Variants in CADPS2 observed in about 807,000 individuals in gnomAD.
CADPS2 encodes calcium-dependent secretion activator 2.
A neutral mutation model predicts 172.5 loss-of-function variants in CADPS2; 93 were observed. The observed-to-expected ratio is 0.54, with a 90% CI of 0.46 to 0.64. The LOEUF is 0.64. Ranked by LOEUF, CADPS2 falls within the 30% of genes least tolerant of loss-of-function variation. CADPS2 has a pLI of 0.00. For missense variants in CADPS2, 1,420 were observed against 1,565.9 expected (o/e 0.91, Z 1.57); for synonymous variants, 546 against 555.2 (o/e 0.98, Z 0.23).
intron 2 of CADPS2, among the ~76,000 whole-genome samples, chr7:122,677,131 G>A (rs1426369341): frequency 6.6e-6 from 1 of 152,204 alleles, no homozygotes; most frequent in Non-Finnish European, 1.5e-5. Flanking sequence ...GCAAGGGTTT[G>A]CTTCCTTCCT....
At chr7:122,326,669 CG>C (rs1454948835) in intron 28 of CADPS2, among the ~76,000 whole-genome samples, 2 of 150,648 alleles carry the variant, frequency 1.3e-5, no homozygotes, top group Non-Finnish European at 3.0e-5. Context: ...ATTTAAACAC[CG>C]AAAAAAAATT....
chr7:122,482,922 C>G (rs183311302), intron 11 of CADPS2, among the ~76,000 whole-genome samples: 37 of 152,302 alleles, frequency 2.4e-4, no homozygotes, highest in Non-Finnish European at 4.7e-4. Context: ...AAGAAGCAAT[C>G]TAAAGGATTC....
At chr7:122,573,334 G>C (rs1006037814) in intron 7 of CADPS2, among the ~76,000 whole-genome samples, 1 of 152,056 alleles carries the variant, frequency 6.6e-6, no homozygotes, top group Non-Finnish European at 1.5e-5. Flanking sequence ...TTGAGCCCAG[G>C]AGTTCAAGAC....
At chr7:122,342,656 CT>C (rs1471812424) in intron 28 of CADPS2, among the ~76,000 whole-genome samples, 1 of 152,072 alleles carries the variant, frequency 6.6e-6, no homozygotes, top group East Asian at 1.9e-4. Flanking sequence ...AGTTTAAGCC[CT>C]CATGTTGCAT....
At chr7:122,467,342 GTTGT>G (rs1381918883) in intron 14 of CADPS2, among the ~76,000 whole-genome samples, 6 of 152,088 alleles carry the variant, frequency 3.9e-5, no homozygotes, top group African/African-American at 1.4e-4. Context: ...AATTATCTAC[GTTGT>G]TTCTCAAAAA....
chr7:122,680,082 CT>C (rs751827627), intron 2 of CADPS2, among the ~76,000 whole-genome samples: 47 of 152,214 alleles, frequency 3.1e-4, no homozygotes, highest in Non-Finnish European at 5.6e-4. Flanking sequence ...CTGTCATAAT[CT>C]TTGCAAAGGC....
At chr7:122,415,288 A>ACG (rs1362163995) in intron 18 of CADPS2, among the ~76,000 whole-genome samples, 1 of 152,152 alleles carries the variant, frequency 6.6e-6, no homozygotes. Flanking sequence ...TTCCCCTTCC[A>ACG]CGTTAACTTA....
At chr7:122,500,974 G>A (rs1338857993) in intron 9 of CADPS2, among the ~76,000 whole-genome samples, 1 of 152,136 alleles carries the variant, frequency 6.6e-6, no homozygotes, top group Admixed American at 6.5e-5. Context: ...CTAAATCTAG[G>A]CCAGGCACAG....
intron 8 of CADPS2, among the ~76,000 whole-genome samples, chr7:122,537,992 C>T (rs542012496): frequency 6.6e-6 from 1 of 151,340 alleles, no homozygotes; most frequent in African/African-American, 2.4e-5. Context: ...AAATTTAAAC[C>T]GATCAACAAT....
At chr7:122,535,735 A>C (rs1308981187) in intron 8 of CADPS2, among the ~76,000 whole-genome samples, 1 of 152,054 alleles carries the variant, frequency 6.6e-6, no homozygotes, top group Non-Finnish European at 1.5e-5. Flanking sequence ...TTTAAAGCCT[A>C]ATGGCAAGAG....
intron 9 of CADPS2, among the ~76,000 whole-genome samples, chr7:122,494,265 A>G (rs1314647672): frequency 6.6e-6 from 1 of 152,180 alleles, no homozygotes; most frequent in Non-Finnish European, 1.5e-5. Flanking sequence ...AAGGCTGACT[A>G]TTTTTTATGC....
chr7:122,438,065 T>C (rs1251980291), intron 17 of CADPS2, among the ~76,000 whole-genome samples: 1 of 152,088 alleles, frequency 6.6e-6, no homozygotes, highest in Admixed American at 6.6e-5. Context: ...ATACAACCCA[T>C]GAAAACACCT....
chr7:122,448,489 C>T (rs147535319), intron 15 of CADPS2, among the ~76,000 whole-genome samples: 1 of 152,076 alleles, frequency 6.6e-6, no homozygotes, highest in African/African-American at 2.4e-5. Context: ...AGATGATGTG[C>T]GTATAAGAGA....
At chr7:122,432,643 T>TA (rs57311950) in intron 17 of CADPS2, among the ~76,000 whole-genome samples, 34,178 of 109,106 alleles carry the variant, frequency 0.31, 4,664 homozygotes, top group Middle Eastern at 0.41. Context: ...TCTGTTAAAA[T>TA]AAAAAAAAAA....
chr7:122,356,074 A>G (rs1381645306), intron 27 of CADPS2, among the ~76,000 whole-genome samples: 1 of 152,162 alleles, frequency 6.6e-6, no homozygotes, highest in Non-Finnish European at 1.5e-5. Flanking sequence ...TATTGACACA[A>G]TATTATTAAC....
intron 2 of CADPS2, among the ~76,000 whole-genome samples, chr7:122,688,560 C>A (rs1417532314): frequency 1.3e-5 from 2 of 152,182 alleles, no homozygotes; most frequent in East Asian, 3.9e-4. Flanking sequence ...AGAGTGTCCG[C>A]TCTGTCTCAG....
chr7:122,393,693 T>A (rs2044696374), intron 20 of CADPS2, 111 bp from the exon 21 acceptor site: 3 of 1,103,312 alleles, frequency 2.7e-6, no homozygotes, highest in East Asian at 2.5e-5. Context: ...GAAGAACTGA[T>A]AAAATGCAGA....
chr7:122,399,748 G>A (rs570642706), intron 20 of CADPS2, among the ~76,000 whole-genome samples: 22 of 127,406 alleles, frequency 1.7e-4, no homozygotes, highest in African/African-American at 6.0e-4. Flanking sequence ...GTGCAGTGGC[G>A]CGATCTCGGC....
chr7:122,760,121 T>C (rs1427694767), intron 1 of CADPS2, among the ~76,000 whole-genome samples: 5 of 151,956 alleles, frequency 3.3e-5, no homozygotes, highest in African/African-American at 7.2e-5. Flanking sequence ...TAGGCATACA[T>C]AGATATAGAC....
Sources: allele counts gnomAD v4.1 joint callset (sites outside exome capture counted in the v4.1 genomes callset), GRCh38; gene constraint gnomAD v4.1.1; transcripts MANE v1.5; gene names NCBI Gene and HGNC (gene_info 2026-07-23, HGNC 2026-07-21).